UNC13B: variants seen among roughly 807,000 people sequenced by gnomAD.
The protein encoded by UNC13B is unc-13 homolog B.
In UNC13B, 144 loss-of-function variants were observed where a neutral mutation model predicts 211.0. The ratio of observed to expected loss-of-function variants is 0.68; its 90% confidence interval spans 0.60 to 0.78. UNC13B has a LOEUF of 0.78. UNC13B is among the 30% of genes least tolerant of loss of function. The pLI, the probability that UNC13B is intolerant of heterozygous loss-of-function variation, is 0.00. For missense variants in UNC13B, 1,777 were observed against 2,002.0 expected, an observed-to-expected ratio of 0.89 and a Z score of 2.14; for synonymous variants, 709 against 725.8, an observed-to-expected ratio of 0.98 and a Z score of 0.37.
At chr9:35,231,050 C>A in intron 2 of UNC13B, 70 bp from the exon 3 acceptor site, 1 of 1,036,378 alleles carries the variant, frequency 9.6e-7, no homozygotes, top group Non-Finnish European at 1.5e-6. Context: ...TGCTTAATTC[C>A]AAGGGCTTTG....
chr9:35,169,132 C>T (rs7357651), intron 1 of UNC13B, among the ~76,000 whole-genome samples: 2 of 152,200 alleles, frequency 1.3e-5, no homozygotes, highest in Admixed American at 6.5e-5. Context: ...AAGAGAATCA[C>T]TTGCATCCAG....
intron 24 of UNC13B, among the ~76,000 whole-genome samples, chr9:35,389,042 C>A (rs1298302784): frequency 6.6e-6 from 1 of 152,202 alleles, no homozygotes; most frequent in Non-Finnish European, 1.5e-5. Flanking sequence ...ACTGTGGAAG[C>A]TTTCCAGTGA....
intron 11 of UNC13B, among the ~76,000 whole-genome samples, chr9:35,347,551 C>T (rs895643173): frequency 3.3e-5 from 5 of 152,220 alleles, no homozygotes; most frequent in Admixed American, 1.3e-4. Context: ...CATCGAGCTC[C>T]ATCCCCTGCT....
At chr9:35,343,217 A>G (rs767525326) in intron 11 of UNC13B, among the ~76,000 whole-genome samples, 2 of 152,254 alleles carry the variant, frequency 1.3e-5, no homozygotes, top group Non-Finnish European at 2.9e-5. Context: ...GAACAGTAAC[A>G]ACAAACCTCC....
chr9:35,325,026 A>G (rs186736367), intron 11 of UNC13B, among the ~76,000 whole-genome samples: 1 of 152,286 alleles, frequency 6.6e-6, no homozygotes, highest in Admixed American at 6.5e-5. Flanking sequence ...TCAACCCTGA[A>G]CCCACTAGAT....
intron 7 of UNC13B, among the ~76,000 whole-genome samples, chr9:35,286,691 CA>C (rs1293552004): frequency 2.6e-5 from 4 of 151,980 alleles, no homozygotes; most frequent in Non-Finnish European, 5.9e-5. Context: ...CCTGTTTCTA[CA>C]AAAAAATAAT....
At chr9:35,194,124 CAAG>C (rs1822809631) in intron 1 of UNC13B, among the ~76,000 whole-genome samples, 1 of 152,114 alleles carries the variant, frequency 6.6e-6, no homozygotes, top group Non-Finnish European at 1.5e-5. Context: ...CTCTTCAGAC[CAAG>C]GGCAGAGAGT....
intron 7 of UNC13B, among the ~76,000 whole-genome samples, chr9:35,288,647 G>T (rs1828923107): frequency 6.6e-6 from 1 of 152,234 alleles, no homozygotes; most frequent in Admixed American, 6.5e-5. Flanking sequence ...CTAAAGTGGT[G>T]AGAATATGGA....
At chr9:35,348,958 C>A (rs1832540648) in intron 11 of UNC13B, among the ~76,000 whole-genome samples, 1 of 151,980 alleles carries the variant, frequency 6.6e-6, no homozygotes, top group Non-Finnish European at 1.5e-5. Flanking sequence ...TGCTCTATTG[C>A]CCAGGCTGGA....
At position 35,325,897 on chromosome 9, in the gene UNC13B, C is replaced by T. The variant is rs1225245358; in HGVS notation, c.9414+11908C>T. Among the ~76,000 whole-genome samples the T allele has an allele frequency of 5.3e-5, 8 of 152,180 alleles. No homozygotes were observed. In the East Asian group the frequency reaches 9.6e-4, roughly 18 times the overall value. ...GGTTCATCCATGTTGTAGCATGGAT[C>T]GTTACTTTTGGCTATTATGAATAAT... On this transcript the variant is annotated intron_variant, in intron 11 of 39. Coordinates refer to ENST00000635942, the MANE Select transcript of UNC13B (RefSeq NM_001371189.2).
intron 1 of UNC13B, among the ~76,000 whole-genome samples, chr9:35,190,423 T>A (rs1006991388): frequency 6.6e-6 from 1 of 152,230 alleles, no homozygotes; most frequent in African/African-American, 2.4e-5. Context: ...GTGAAGTAAT[T>A]TGATATCCCC....
At chr9:35,183,968 C>T (rs1305998794) in intron 1 of UNC13B, among the ~76,000 whole-genome samples, 18 of 149,164 alleles carry the variant, frequency 1.2e-4, no homozygotes, top group Admixed American at 6.7e-4. Context: ...GACGGGGCGG[C>T]GGGGCAGAGG....
At chr9:35,200,807 C>T (rs1206953850) in intron 1 of UNC13B, among the ~76,000 whole-genome samples, 1 of 152,154 alleles carries the variant, frequency 6.6e-6, no homozygotes, top group Non-Finnish European at 1.5e-5. Context: ...ATCCTCTTTT[C>T]CTAATTGAAT....
At chr9:35,342,802 C>T (rs996154945) in intron 11 of UNC13B, among the ~76,000 whole-genome samples, 1 of 152,144 alleles carries the variant, frequency 6.6e-6, no homozygotes, top group Non-Finnish European at 1.5e-5. Flanking sequence ...TAATCCATCC[C>T]TTCATCTCCT....
At position 35,303,821 on chromosome 9, in the gene UNC13B, A is replaced by G. The variant is rs1829798472; in HGVS notation, c.4417A>G (p.Ile1473Val). ...EANNSLEELP[I>V]DLSSSSDHEK... ...TAATAATTCACTAGAAGAATTACCC[A>G]TTGACTTAAGTTCTTCATCAGATCA... Residue 1473 changes from isoleucine to valine, a missense_variant, in exon 9 of 40, where the codon ATT becomes GTT. Coordinates refer to ENST00000635942, the MANE Select transcript of UNC13B (RefSeq NM_001371189.2). 2.5e-5 allele frequency: 10 copies of G among 398,660 alleles called. No individual in the cohort carries two copies. The South Asian group carries it at 3.8e-4, about 15-fold the overall frequency. 24.7% of individuals were successfully genotyped at this position (398,660 alleles called of 1,614,324 possible). A position where few individuals can be genotyped will look rare whatever the true frequency, so the allele number is the denominator to read the frequency against.
rs533398650 is a variant in UNC13B at position 35,359,690 on chromosome 9, C to T, written c.9415-7257C>T. Among the ~76,000 whole-genome samples the T allele has an allele frequency of 2.1e-4, 32 of 152,302 alleles. No individual in the cohort carries two copies. In the South Asian group the frequency reaches 3.7e-3, roughly 18 times the overall value. The stretch of plus-strand genomic sequence containing the variant: ...TTCTCTCTCACAACCTGTATTCAGT[C>T]CGTTAGTAAATTCCACTTCCTCCAC... On this transcript the variant is annotated intron_variant, in intron 11 of 39. Transcript: ENST00000635942.
rs766854435 is a variant in UNC13B, at chr9:35,376,243, G to A, written c.9831G>A (p.Leu3277=). Residue 3277 remains leucine, a synonymous_variant, in exon 15 of 40, where the codon CTG becomes CTA. Coordinates refer to ENST00000635942, the MANE Select transcript of UNC13B (RefSeq NM_001371189.2). ...KCQDLLNADC[L]QRAAEKSCKH... Reference sequence around the variant, plus strand: ...AGGATCTGCTCAATGCTGACTGCCTGCAGCGTGAGTGCCCTGCGGGATGAG... The same window carrying A: ...AGGATCTGCTCAATGCTGACTGCCTACAGCGTGAGTGCCCTGCGGGATGAG... 1.9e-6 allele frequency: 3 copies of A among 1,613,424 alleles called. No homozygotes were observed. The highest frequency in any genetic ancestry group is 2.5e-6 in the Non-Finnish European group (3 of 1,179,950).
intron 1 of UNC13B, among the ~76,000 whole-genome samples, chr9:35,219,617 C>CA (rs576502502): frequency 0.14 from 8,865 of 65,288 alleles, 473 homozygotes; most frequent in East Asian, 0.38. Context: ...ACCCTGTGTC[C>CA]AAAAAAAAAA....
intron 11 of UNC13B, among the ~76,000 whole-genome samples, chr9:35,344,112 G>A (rs1832197308): frequency 6.6e-6 from 1 of 151,982 alleles, no homozygotes; most frequent in African/African-American, 2.4e-5. Context: ...TCCAACTCGG[G>A]GTAGGGGATG....
Sources: gnomAD v4.1 joint callset for allele counts (sites outside exome capture counted in the v4.1 genomes callset) on GRCh38, gnomAD v4.1.1 for gene constraint, MANE v1.5 for transcripts, NCBI Gene and HGNC (gene_info 2026-07-23, HGNC 2026-07-21) for gene names.